The following PSD3 variants were observed in gnomAD, a reference collection of about 807,000 sequenced individuals.
The protein encoded by PSD3 is pleckstrin and Sec7 domain containing 3, also known as PH and SEC7 domain-containing protein 3.
In PSD3, 49 loss-of-function variants were observed where a neutral mutation model predicts 105.5. That is an observed-to-expected ratio of 0.46 (90% CI 0.37 to 0.59). The LOEUF is 0.59. Among genes scored for constraint, PSD3 ranks in the 20% least tolerant of loss-of-function variants. The pLI is 0.00. For missense variants in PSD3, 1,561 were observed against 1,263.8 expected (o/e 1.24, Z -3.57); for synonymous variants, 557 against 457.8 (o/e 1.22, Z -2.77).
chr8:18,657,998 A>G (rs1809028069), intron 9 of PSD3, among the ~76,000 whole-genome samples: 2 of 152,230 alleles, frequency 1.3e-5, no homozygotes, highest in Admixed American at 1.3e-4. Flanking sequence ...TTTTGTTCAA[A>G]GAGAAGTAGA....
intron 4 of PSD3, among the ~76,000 whole-genome samples, chr8:18,837,815 G>C (rs542925385): frequency 3.9e-5 from 6 of 152,062 alleles, no homozygotes; most frequent in Non-Finnish European, 2.9e-5. Context: ...AAAAATAAAA[G>C]CACTAGTCAT....
intron 2 of PSD3, among the ~76,000 whole-genome samples, chr8:18,886,260 A>C (rs7003841): frequency 0.18 from 27,951 of 152,118 alleles, 2,555 homozygotes; most frequent in South Asian, 0.29. Context: ...ATAAAAATAA[A>C]AATTTTGAAA....
intron 4 of PSD3, among the ~76,000 whole-genome samples, chr8:18,813,507 A>G (rs889260502): frequency 6.6e-6 from 1 of 152,206 alleles, no homozygotes; most frequent in Non-Finnish European, 1.5e-5. Flanking sequence ...AAGTGCGCCA[A>G]AGAAATATGT....
At chr8:18,617,580 C>T (rs904355985) in intron 11 of PSD3, among the ~76,000 whole-genome samples, 4 of 152,056 alleles carry the variant, frequency 2.6e-5, no homozygotes, top group African/African-American at 9.7e-5. Context: ...ACATTGTAAG[C>T]CCATAATAAA....
chr8:18,905,235 C>T (rs1007204717), intron 2 of PSD3, among the ~76,000 whole-genome samples: 3 of 152,086 alleles, frequency 2.0e-5, no homozygotes, highest in African/African-American at 7.2e-5. Flanking sequence ...ATTATTTCCC[C>T]CTCTCTAATT....
Position 18,697,029 on chromosome 8 carries a change from G to GCCCAGGGGTTTGAA in PSD3, c.2173-41345_2173-41344insTTCAAACCCCTGGG, listed in dbSNP as rs1212561111. ...GGGACAACGTGGGAGGATCACTTGA[G>GCCCAGGGGTTTGAA]CCCAGGGGTTTGAGACCAGCCTGGG... On this transcript the variant is annotated intron_variant, in intron 9 of 15. Transcript: ENST00000327040. 1.8e-3 allele frequency among the ~76,000 whole-genome samples: 269 copies of GCCCAGGGGTTTGAA among 152,150 alleles called. 1 individual carries two copies. Among genetic ancestry groups the GCCCAGGGGTTTGAA allele is most frequent in the African/African-American group, 6.2e-3 (258 of 41,476 alleles).
At chr8:18,906,748 T>A (rs1819876922) in intron 2 of PSD3, among the ~76,000 whole-genome samples, 1 of 152,136 alleles carries the variant, frequency 6.6e-6, no homozygotes, top group South Asian at 2.1e-4. Context: ...AAGTTCCAAA[T>A]AAAAACAAAT....
intron 2 of PSD3, among the ~76,000 whole-genome samples, chr8:18,892,114 C>G (rs1344516103): frequency 2.6e-5 from 4 of 151,814 alleles, no homozygotes; most frequent in African/African-American, 4.8e-5. Context: ...CACTTTTTTT[C>G]TAGCACAGTT....
chr8:18,805,283 T>C (rs1811103144), intron 4 of PSD3, among the ~76,000 whole-genome samples: 1 of 152,200 alleles, frequency 6.6e-6, no homozygotes, highest in Non-Finnish European at 1.5e-5. Context: ...ATACAACTAT[T>C]GTTTTCCAGA....
At chr8:18,544,546 C>A (rs1800345759) in intron 15 of PSD3, among the ~76,000 whole-genome samples, 1 of 151,966 alleles carries the variant, frequency 6.6e-6, no homozygotes, top group South Asian at 2.1e-4. Flanking sequence ...GTGTTCGTGG[C>A]TTTCTGGGAA....
intron 14 of PSD3, among the ~76,000 whole-genome samples, chr8:18,564,764 G>C (rs1403280130): frequency 6.6e-6 from 1 of 152,020 alleles, no homozygotes; most frequent in African/African-American, 2.4e-5. Context: ...CCCACTGCCC[G>C]TAAGGTCAGC....
intron 8 of PSD3, among the ~76,000 whole-genome samples, chr8:18,798,129 T>C (rs771105119): frequency 4.6e-5 from 7 of 152,192 alleles, no homozygotes; most frequent in Non-Finnish European, 1.0e-4. Context: ...CATGTCAAGA[T>C]TCACACTGTG....
intron 1 of PSD3, among the ~76,000 whole-genome samples, chr8:19,075,041 G>A (rs1829421396): frequency 6.6e-6 from 1 of 151,952 alleles, no homozygotes; most frequent in East Asian, 1.9e-4. Flanking sequence ...TGCCTCCCAG[G>A]TTCAAGCAAC....
At chr8:18,908,647 G>C (rs1333117852) in intron 2 of PSD3, among the ~76,000 whole-genome samples, 1 of 152,154 alleles carries the variant, frequency 6.6e-6, no homozygotes, top group Non-Finnish European at 1.5e-5. Flanking sequence ...AGGATCTTCA[G>C]CATGAAACAA....
At chr8:18,896,631 T>C (rs1419354754) in intron 2 of PSD3, among the ~76,000 whole-genome samples, 5 of 152,252 alleles carry the variant, frequency 3.3e-5, no homozygotes, top group East Asian at 1.9e-4. Context: ...CAGGCTGGTC[T>C]TGAACTCCTG....
chr8:18,720,382 T>G (rs1269510505), intron 9 of PSD3, among the ~76,000 whole-genome samples: 1 of 152,118 alleles, frequency 6.6e-6, no homozygotes, highest in Non-Finnish European at 1.5e-5. Context: ...ACAACACATT[T>G]TAATAAAATA....
intron 11 of PSD3, among the ~76,000 whole-genome samples, chr8:18,607,082 G>T (rs574258719): frequency 1.3e-5 from 2 of 152,084 alleles, no homozygotes; most frequent in Non-Finnish European, 2.9e-5. Flanking sequence ...TGCAGTGGTC[G>T]GTCTGCTACT....
chr8:18,612,716 C>G (rs139603044), intron 11 of PSD3, among the ~76,000 whole-genome samples: 1 of 152,190 alleles, frequency 6.6e-6, no homozygotes, highest in Non-Finnish European at 1.5e-5. Context: ...CCACCCTTAA[C>G]TGGGAAGAGA....
At chr8:18,672,574 T>G (rs17644668) in intron 9 of PSD3, among the ~76,000 whole-genome samples, 16,242 of 152,252 alleles carry the variant, frequency 0.11, 1,137 homozygotes, top group African/African-American at 0.2. Context: ...GGGAGCTAAA[T>G]AGAATTGCCA....
Sources: allele counts gnomAD v4.1 joint callset (sites outside exome capture counted in the v4.1 genomes callset), GRCh38; gene constraint gnomAD v4.1.1; transcripts MANE v1.5; gene names NCBI Gene and HGNC (gene_info 2026-07-23, HGNC 2026-07-21).